The following CCDC22 variants were observed in gnomAD, a reference collection of about 807,000 sequenced individuals.
CCDC22 encodes the protein coiled-coil domain-containing protein 22.
CCDC22 carries 4 observed loss-of-function variants against 53.1 expected under a neutral mutation model. The observed-to-expected ratio is 0.08, with a 90% CI of 0.04 to 0.17. The LOEUF (loss-of-function observed/expected upper bound fraction) is 0.17. Ranked by LOEUF, CCDC22 falls within the 10% of genes least tolerant of loss-of-function variation. The pLI is 1.00. For synonymous variants in CCDC22, 222 were observed against 224.4 expected, an observed-to-expected ratio of 0.99 and a Z score of 0.10; for missense variants, 458 against 554.0, an observed-to-expected ratio of 0.83 and a Z score of 1.74.
chrX:49,236,269 G>A (rs57675433), intron 1 of CCDC22, among the ~76,000 whole-genome samples: 10,132 of 107,665 alleles, frequency 0.094, 1,293 homozygotes, highest in African/African-American at 0.33. Flanking sequence ...GTGCAGTGGG[G>A]TGATCTCAGC....
At chrX:49,239,394 A>C in intron 2 of CCDC22, 1 of 690,060 alleles carries the variant, frequency 1.4e-6, no homozygotes, top group Non-Finnish European at 1.7e-6. Context: ...AAAGCTGGTT[A>C]TAATAAGCTT....
At chrX:49,248,571 C>G in intron 11 of CCDC22, 48 bp downstream of exon 11, 2 of 1,197,669 alleles carry the variant, frequency 1.7e-6, no homozygotes, top group Non-Finnish European at 2.3e-6. Flanking sequence ...CAGGCTCGGT[C>G]CCTCTCTAGG....
Position 49,243,851 on chromosome X carries a change from T to C in CCDC22, c.714+389T>C, listed in dbSNP as rs1022653554. Reference sequence around the variant, plus strand: ...TCACCCAGGCTGGAGTGCAGTGGCGTGATCTCAGCACACTGCAACCTCCAT... The same window carrying C: ...TCACCCAGGCTGGAGTGCAGTGGCGCGATCTCAGCACACTGCAACCTCCAT... On this transcript the variant is annotated intron_variant, in intron 6 of 16. Transcript: ENST00000376227. 4.4e-5 allele frequency among the ~76,000 whole-genome samples: 5 copies of C among 112,436 alleles called. No homozygotes were observed. In the Admixed American group the frequency reaches 4.7e-4, roughly 11 times the overall value.
chrX:49,250,421 G>C lies in CCDC22; in HGVS notation c.*160G>C, dbSNP rs1212485747. 2.0e-6 allele frequency: 1 copy of C among 509,960 alleles called. No homozygotes were observed. Among genetic ancestry groups the C allele is most frequent in the African/African-American group, 2.3e-5 (1 of 43,345 alleles). The allele number at this position is 509,960 out of a possible 1,213,427, so 42.0% of individuals were successfully genotyped here. On this transcript the variant is annotated 3_prime_UTR_variant, in exon 17 of 17. Coordinates refer to ENST00000376227, the MANE Select transcript of CCDC22 (RefSeq NM_014008.5). ...CCCACTGACCGCAACCCTTATATGG[G>C]GTGATAGTCCAGCATGTGGGGAGCT...
intron 2 of CCDC22, among the ~76,000 whole-genome samples, chrX:49,240,824 G>GA (rs1206697469): frequency 8.9e-6 from 1 of 111,763 alleles, no homozygotes; most frequent in Non-Finnish European, 1.9e-5. Flanking sequence ...GCATATTGTG[G>GA]AAAAAATCCA....
At chrX:49,245,604 C>G (rs989022909) in intron 6 of CCDC22, among the ~76,000 whole-genome samples, 12 of 112,101 alleles carry the variant, frequency 1.1e-4, no homozygotes, top group African/African-American at 3.9e-4. Context: ...ATCTCTTGAC[C>G]TCATGATCCA....
Position 49,247,499 on chromosome X carries a change from C to A in CCDC22, c.913C>A (p.Pro305Thr). 8.4e-7 allele frequency: 1 copy of A among 1,194,479 alleles called. No homozygotes were observed. The highest frequency in any genetic ancestry group is 3.1e-5 in the East Asian group (1 of 32,696). Residue 305 changes from proline to threonine, a missense_variant, in exon 8 of 17, where the codon CCC (proline) becomes ACC (threonine). By Grantham distance (38) the Pro-to-Thr change is conservative (BLOSUM62 -1). Coordinates refer to ENST00000376227, the MANE Select transcript of CCDC22 (RefSeq NM_014008.5). ...TGCCCCTCGTCACTCCCCTTAGGAG[C>A]CCCAGGCCCAGGCCACTCAGGTGTC... The part of the protein sequence containing the change: ...HSEKFTFHLE[P>T]QAQATQVSDV...
intron 6 of CCDC22, among the ~76,000 whole-genome samples, chrX:49,244,747 G>A (rs1368784944): frequency 9.0e-6 from 1 of 111,345 alleles, no homozygotes; most frequent in Non-Finnish European, 1.9e-5. Context: ...TAGAGATGGG[G>A]TTTTGCCATG....
At position 49,249,668 on chromosome X, in the gene CCDC22, C is replaced by T; in HGVS notation, c.1713C>T (p.Ile571=). ...GTCCCCAGAACTGCAGCCAGCTCAT[C>T]CAGACCATCGAGGACACAGGCACCA... ...AALHENCSQL[I]QTIEDTGTIM... is the part of the protein sequence containing the mutation. The change falls in exon 16 of 17, where the codon ATC becomes ATT. Residue 571 remains isoleucine (I), a synonymous_variant. Transcript: ENST00000376227. 3 of 1,210,629 alleles carry T rather than the reference C, an allele frequency of 2.5e-6. No homozygotes were observed. Among genetic ancestry groups the T allele is most frequent in the Non-Finnish European group, 2.2e-6 (2 of 895,263 alleles).
chrX:49,245,972 GT>G lies in CCDC22; in HGVS notation c.715-749del, dbSNP rs57878026. Among the ~76,000 whole-genome samples, 524 of 103,746 alleles carry G rather than the reference GT, an allele frequency of 5.1e-3. 5 individuals carry two copies. The highest frequency in any genetic ancestry group is 0.017 in the African/African-American group (492 of 28,227). The allele number at this position is 103,746 out of a possible 115,157, so 90.1% of individuals were successfully genotyped here. A position where few individuals can be genotyped will look rare whatever the true frequency, so the allele number is the denominator to read the frequency against. On this transcript the variant is annotated intron_variant, in intron 6 of 16. Coordinates refer to ENST00000376227, the MANE Select transcript of CCDC22 (RefSeq NM_014008.5). ...GTTTTTTTTTGTTTTGTTTTGTTTT[GT>G]TTTTTTTTTGTTTTTTTTTGTTTTG...
rs1390079903 is a variant in CCDC22, at chrX:49,243,409, G to T, written c.661G>T (p.Asp221Tyr). The change falls in exon 6 of 17, where the codon GAC becomes TAC. Residue 221 changes from aspartate to tyrosine, a missense_variant. By Grantham distance (160) the Asp-to-Tyr change is radical. This residue lies in a region of CCDC22 where 309 missense variants were observed against 312.3 expected (regional missense o/e 0.99). Transcript: ENST00000376227. ...ALQLCQQTGR[D>Y]RPGDEDWVHR... is the part of the protein sequence containing the mutation. ...GCAGCTCTGCCAGCAGACGGGCCGG[G>T]ACCGGCCAGGGGATGAGGACTGGGT... 3.3e-6 allele frequency: 4 copies of T among 1,201,491 alleles called. No homozygotes were observed. The highest frequency in any genetic ancestry group is 4.4e-5 in the Admixed American group (2 of 45,015).
At chrX:49,242,318 G>T (rs1202922059) in intron 3 of CCDC22, 170 bp downstream of exon 3, 1 of 748,162 alleles carries the variant, frequency 1.3e-6, no homozygotes, top group African/African-American at 2.3e-5. Flanking sequence ...GGGGCTACAG[G>T]GCAGGGGGCA....
chrX:49,235,847 A>ACACACACACACG (rs1198266295), intron 1 of CCDC22, among the ~76,000 whole-genome samples, 161 bp downstream of exon 1: 5 of 88,681 alleles, frequency 5.6e-5, no homozygotes, highest in East Asian at 6.5e-4. Flanking sequence ...ACACACACAC[A>ACACACACACACG]CACACACACA....
intron 7 of CCDC22, 167 bp downstream of exon 7, chrX:49,247,092 G>A: frequency 2.1e-6 from 1 of 471,181 alleles, no homozygotes; most frequent in Non-Finnish European, 3.7e-6. Flanking sequence ...TAGCTTATTA[G>A]GGACTTGACT....
chrX:49,241,507 A>G (rs1243456236), intron 2 of CCDC22, among the ~76,000 whole-genome samples: 2 of 96,941 alleles, frequency 2.1e-5, no homozygotes, highest in Non-Finnish European at 2.2e-5. Flanking sequence ...AAAAAAAAAA[A>G]GGAAAAAGGC....
At chrX:49,238,056 CCTTTT>C (rs1187931345) in intron 2 of CCDC22, among the ~76,000 whole-genome samples, 9 of 105,666 alleles carry the variant, frequency 8.5e-5, no homozygotes, top group South Asian at 8.4e-4. Context: ...CCGTGCCCAG[CCTTTT>C]CTTTTCTTTT....
intron 1 of CCDC22, among the ~76,000 whole-genome samples, 175 bp downstream of exon 1, chrX:49,235,861 A>ACACACACACACGCACG (rs1317193784): frequency 9.5e-6 from 1 of 105,740 alleles, no homozygotes; most frequent in African/African-American, 3.5e-5. Context: ...ACACACACAC[A>ACACACACACACGCACG]CACGCACACA....
rs1557114760 is a variant in CCDC22, at chrX:49,248,516, G to A, written c.1322G>A (p.Cys441Tyr). The A allele has an allele frequency of 2.5e-6, 3 of 1,206,862 alleles. No homozygotes were observed. Among genetic ancestry groups the A allele is most frequent in the East Asian group, 5.9e-5 (2 of 33,710 alleles). ...EYRHLRKLQD[C>Y]RELESSRRLA... is the part of the protein sequence containing the mutation. Reference sequence around the variant, plus strand: ...CGCCACCTCCGAAAGCTGCAGGATTGCAGAGAGGTAAGCAGTGGGGCCCTG... The same window carrying A: ...CGCCACCTCCGAAAGCTGCAGGATTACAGAGAGGTAAGCAGTGGGGCCCTG... The change falls in exon 11 of 17, where the codon TGC (cysteine) becomes TAC (tyrosine). Residue 441 changes from cysteine (C) to tyrosine (Y), a missense_variant. By Grantham distance (194) the Cys-to-Tyr change is radical. Transcript: ENST00000376227.
At chrX:49,249,837 C>T in intron 16 of CCDC22, 112 bp downstream of exon 16, 1 of 678,363 alleles carries the variant, frequency 1.5e-6, no homozygotes, top group Non-Finnish European at 2.3e-6. Context: ...ACACCCAGCC[C>T]TGCCCCTTAG....
Sources: gnomAD v4.1 joint callset for allele counts (sites outside exome capture counted in the v4.1 genomes callset) on GRCh38, gnomAD v4.1.1 for gene constraint, gnomAD v4.1.1 regional missense constraint, MANE v1.5 for transcripts, NCBI Gene and HGNC (gene_info 2026-07-23, HGNC 2026-07-21) for gene names.